GON4L: variants seen among roughly 807,000 people sequenced by gnomAD.
GON4L encodes the protein GON-4-like protein.
In GON4L, 87 loss-of-function variants were observed where a neutral mutation model predicts 211.8. That is an observed-to-expected ratio of 0.41 (90% CI 0.35 to 0.49). The LOEUF (loss-of-function observed/expected upper bound fraction) is 0.49, where lower values mean the gene tolerates loss of function less well. Ranked by LOEUF, GON4L falls within the 20% of genes least tolerant of loss-of-function variation. The pLI, the probability that GON4L is intolerant of heterozygous loss-of-function variation, is 0.15. For missense variants in GON4L, 2,155 were observed against 2,659.5 expected (o/e 0.81, Z 4.17); for synonymous variants, 875 against 962.6 (o/e 0.91, Z 1.68).
At chr1:155,781,864 C>T (rs1396667862) in intron 14 of GON4L, among the ~76,000 whole-genome samples, 1 of 152,180 alleles carries the variant, frequency 6.6e-6, no homozygotes, top group Admixed American at 6.6e-5. Flanking sequence ...TCAAGTGTTT[C>T]TCCTGCCTCA....
At chr1:155,849,177 T>C (rs1345175318) in intron 2 of GON4L, among the ~76,000 whole-genome samples, 3 of 135,154 alleles carry the variant, frequency 2.2e-5, no homozygotes, top group Admixed American at 7.3e-5. Flanking sequence ...AAAAAGGGGC[T>C]GGGCACTGTG....
intron 2 of GON4L, among the ~76,000 whole-genome samples, chr1:155,852,780 G>T (rs1488098319): frequency 6.6e-6 from 1 of 151,880 alleles, no homozygotes; most frequent in African/African-American, 2.4e-5. Context: ...AGTGGATATA[G>T]CGAATGGGAG....
chr1:155,850,072 CTAAATAA>C (rs1671641868), intron 2 of GON4L, among the ~76,000 whole-genome samples: 1 of 151,090 alleles, frequency 6.6e-6, no homozygotes, highest in South Asian at 2.1e-4. Flanking sequence ...TTCCTTATGT[CTAAATAA>C]TGAGAACTCA....
chr1:155,832,368 G>A (rs1040817835), intron 2 of GON4L, among the ~76,000 whole-genome samples: 5 of 151,144 alleles, frequency 3.3e-5, no homozygotes, highest in African/African-American at 1.2e-4. Context: ...TGCGCCTAGC[G>A]CAGTGGCTCA....
At chr1:155,767,907 C>T (rs1468029348) in intron 19 of GON4L, among the ~76,000 whole-genome samples, 3 of 152,034 alleles carry the variant, frequency 2.0e-5, no homozygotes, top group Non-Finnish European at 4.4e-5. Flanking sequence ...AAGACAACAT[C>T]GTAATCTATA....
chr1:155,793,813 T>C (rs1665827369), intron 12 of GON4L, among the ~76,000 whole-genome samples: 1 of 152,160 alleles, frequency 6.6e-6, no homozygotes, highest in Admixed American at 6.6e-5. Flanking sequence ...TTTCTCTATG[T>C]TGCCTATGCC....
In GON4L at chr1:155,765,608, G is replaced by A. The variant is rs202146983; in HGVS notation, c.3865C>T (p.Arg1289Cys). The change falls in exon 21 of 32, where the codon CGC becomes TGC. Residue 1289 changes from arginine (R) to cysteine (C), a missense_variant. Coordinates refer to ENST00000368331, the MANE Select transcript of GON4L (RefSeq NM_001282860.2). ...QEGLSENSACRWTVVKTEEGR... is the reference protein window; with the variant it reads ...QEGLSENSACCWTVVKTEEGR... ...TCCTCTGTTTTCACAACGGTCCAGC[G>A]ACAGGCACTATTCTCTGACAATCCT... is the stretch of plus-strand genomic sequence containing the variant. 6.8e-6 allele frequency: 11 copies of A among 1,614,140 alleles called. No homozygotes were observed. Among genetic ancestry groups the A allele is most frequent in the African/African-American group, 2.7e-5 (2 of 75,008 alleles).
intron 2 of GON4L, among the ~76,000 whole-genome samples, chr1:155,840,137 C>CT (rs1328104631): frequency 2.0e-5 from 3 of 152,184 alleles, no homozygotes; most frequent in Non-Finnish European, 4.4e-5. Flanking sequence ...ATTCTATACT[C>CT]TTGGTTTTTC....
At chr1:155,850,938 T>A (rs1420120458) in intron 2 of GON4L, among the ~76,000 whole-genome samples, 5 of 149,252 alleles carry the variant, frequency 3.4e-5, no homozygotes, top group Non-Finnish European at 3.0e-5. Context: ...GTGCCTGTAG[T>A]CCTAGCTACT....
intron 2 of GON4L, among the ~76,000 whole-genome samples, chr1:155,831,101 C>A (rs1669717518): frequency 6.6e-6 from 1 of 151,946 alleles, no homozygotes; most frequent in Non-Finnish European, 1.5e-5. Flanking sequence ...GAGTTTGATA[C>A]CAGCCTGGTT....
At position 155,798,773 on chromosome 1, in the gene GON4L, A is replaced by G. The variant is rs1666345048; in HGVS notation, c.1646-3622T>C. ...TAACGAAAGTTCTGGAAGAGCCCAT[A>G]ATAATGAGTAGTGTGCACAGGTTTG... On this transcript the variant is annotated intron_variant, in intron 11 of 31. Coordinates refer to ENST00000368331, the MANE Select transcript of GON4L (RefSeq NM_001282860.2). Among the ~76,000 whole-genome samples the G allele has an allele frequency of 2.6e-5, 4 of 151,954 alleles. 1 individual carries two copies. In the South Asian group the frequency reaches 8.3e-4, roughly 32 times the overall value.
chr1:155,847,355 A>T (rs1671343630), intron 2 of GON4L, among the ~76,000 whole-genome samples: 1 of 152,150 alleles, frequency 6.6e-6, no homozygotes, highest in Non-Finnish European at 1.5e-5. Context: ...TGATCACCTG[A>T]GGTCAGGAGT....
At position 155,760,564 on chromosome 1, in the gene GON4L, G is replaced by C; in HGVS notation, c.4989C>G (p.Thr1663=). ...AGAGATCTACAGCCGTCCGTCTCTG[G>C]GTACTTGACTCAAATTCATAGATGA... ...LQVIYEFESS[T]QRRTAVDLYK... The change falls in exon 24 of 32, where the codon ACC becomes ACG. Residue 1663 remains threonine (T), a synonymous_variant. Coordinates refer to ENST00000368331, the MANE Select transcript of GON4L (RefSeq NM_001282860.2). The C allele has an allele frequency of 1.9e-6, 3 of 1,612,928 alleles. No individual in the cohort carries two copies. The highest frequency in any genetic ancestry group is 2.5e-6 in the Non-Finnish European group (3 of 1,178,942).
At position 155,776,247 on chromosome 1, in the gene GON4L, AG is replaced by A. The variant is rs1465536555; in HGVS notation, c.2178+147del. Reference sequence around the variant, plus strand: ...TGGCTTACGTTCTCTCAGCAAACACAGGAAGCCTTAACAGAAAGCAGGCAAA... The same window carrying A: ...TGGCTTACGTTCTCTCAGCAAACACAGAAGCCTTAACAGAAAGCAGGCAAA... On this transcript the variant is annotated intron_variant, in intron 16 of 31. Coordinates refer to ENST00000368331, the MANE Select transcript of GON4L (RefSeq NM_001282860.2). 1.8e-5 allele frequency: 13 copies of A among 714,584 alleles called. No individual in the cohort carries two copies. The East Asian group carries it at 1.9e-4, about 11-fold the overall frequency. The allele number at this position is 714,584 out of a possible 1,614,324, so 44.3% of individuals were successfully genotyped here. A position where few individuals can be genotyped will look rare whatever the true frequency, so the allele number is the denominator to read the frequency against.
chr1:155,805,221 C>A, intron 10 of GON4L, 80 bp from the exon 11 acceptor site: 1 of 938,462 alleles, frequency 1.1e-6, no homozygotes. Context: ...CTCATCTTAG[C>A]TTAAGTAACA....
Position 155,750,576 on chromosome 1 carries a change from C to T in GON4L, c.*8G>A. 1 of 1,587,748 alleles carries T rather than the reference C, an allele frequency of 6.3e-7. No individual in the cohort carries two copies. Among genetic ancestry groups the T allele is most frequent in the Non-Finnish European group, 8.6e-7 (1 of 1,156,972 alleles). ...GGGTTTGGTCCTGTGTAGATGATTC[C>T]CAGAGTCTCATTCATCCAGCTCCTC... On this transcript the variant is annotated 3_prime_UTR_variant, in exon 32 of 32. Transcript: ENST00000368331.
At chr1:155,818,499 G>A (rs1424038903) in intron 6 of GON4L, among the ~76,000 whole-genome samples, 1 of 152,156 alleles carries the variant, frequency 6.6e-6, no homozygotes, top group East Asian at 1.9e-4. Flanking sequence ...CTATTCATTT[G>A]TGAACACATC....
At chr1:155,846,196 G>A (rs1433671177) in intron 2 of GON4L, 2 of 230,018 alleles carry the variant, frequency 8.7e-6, no homozygotes, top group Admixed American at 8.3e-5. Flanking sequence ...TCATCAACAA[G>A]ATTGCCAACT....
rs1661674419 is a variant in GON4L, at chr1:155,760,474, C to G, written c.5079G>C (p.Leu1693=). Residue 1693 remains leucine, a synonymous_variant, in exon 24 of 32, where the codon CTG becomes CTC. Transcript: ENST00000368331. ...PQLLKDFAAF[L]LPEQALACGL... Reference sequence around the variant, plus strand: ...CACAGGCCAGAGCTTGCTCAGGTAACAGGAAAGCAGCAAAGTCTTTCAACA... The same window carrying G: ...CACAGGCCAGAGCTTGCTCAGGTAAGAGGAAAGCAGCAAAGTCTTTCAACA... The G allele has an allele frequency of 1.9e-6, 3 of 1,611,826 alleles. No individual in the cohort carries two copies. The African/African-American group carries it at 4.0e-5, about 22-fold the overall frequency.
Sources: gnomAD v4.1 joint callset for allele counts (sites outside exome capture counted in the v4.1 genomes callset) on GRCh38, gnomAD v4.1.1 for gene constraint, MANE v1.5 for transcripts, NCBI Gene and HGNC (gene_info 2026-07-23, HGNC 2026-07-21) for gene names.